Variants in TNFRSF8 observed in about 807,000 individuals in gnomAD.
TNFRSF8 encodes the protein tumor necrosis factor receptor superfamily member 8.
Under a neutral mutation model 70.8 loss-of-function variants are expected in TNFRSF8, and 26 were observed. That is an observed-to-expected ratio of 0.37 (90% confidence interval 0.27 to 0.51). The LOEUF is 0.51. Among genes scored for constraint, TNFRSF8 ranks in the 20% least tolerant of loss-of-function variants. The probability of loss-of-function intolerance (pLI) is 0.94; values close to 1 mark genes in which losing one functional copy is unlikely to be tolerated. For missense variants in TNFRSF8, 720 were observed against 807.9 expected (o/e 0.89, Z 1.32); for synonymous variants, 356 against 339.2 (o/e 1.05, Z -0.54).
chr1:12,116,406 C>CT (rs1641730660), intron 8 of TNFRSF8, among the ~76,000 whole-genome samples: 1 of 152,332 alleles, frequency 6.6e-6, no homozygotes, highest in East Asian at 1.9e-4. Context: ...AACTAAAACC[C>CT]TGACAGTTTT....
chr1:12,073,221 C>A (rs1055986854), intron 1 of TNFRSF8, among the ~76,000 whole-genome samples: 2 of 152,154 alleles, frequency 1.3e-5, no homozygotes, highest in Non-Finnish European at 2.9e-5. Context: ...TTCATGATCG[C>A]AGGACTGCAC....
intron 1 of TNFRSF8, chr1:12,077,871 T>G (rs1437604137): frequency 1.3e-5 from 2 of 150,732 alleles, no homozygotes; most frequent in Non-Finnish European, 3.0e-5. Context: ...GACTTTGGTT[T>G]TTTTTTTTTT....
At chr1:12,080,121 G>A (rs752248667) in intron 1 of TNFRSF8, among the ~76,000 whole-genome samples, 3 of 151,716 alleles carry the variant, frequency 2.0e-5, no homozygotes, top group Non-Finnish European at 4.4e-5. Context: ...GCTTATTTTT[G>A]TATTTTTAGC....
Position 12,123,256 on chromosome 1 carries a change from G to C in TNFRSF8, c.947-28G>C, listed in dbSNP as rs760629920. 11 of 1,593,942 alleles carry C rather than the reference G, an allele frequency of 6.9e-6. No individual in the cohort carries two copies. In the South Asian group the frequency reaches 1.1e-4, roughly 17 times the overall value. ...GGAGACACCAGCCTCCTTGGCGCTGGTTCTCAGATGTTACGTCCCCTCTGC... is the reference window on the plus strand; with the variant it reads ...GGAGACACCAGCCTCCTTGGCGCTGCTTCTCAGATGTTACGTCCCCTCTGC... On this transcript the variant is annotated intron_variant, in intron 8 of 14. Coordinates refer to ENST00000263932, the MANE Select transcript of TNFRSF8 (RefSeq NM_001243.5).
At chr1:12,120,866 A>AG (rs1487362292) in intron 8 of TNFRSF8, among the ~76,000 whole-genome samples, 1 of 152,160 alleles carries the variant, frequency 6.6e-6, no homozygotes, top group Admixed American at 6.5e-5. Context: ...GTATATTCAG[A>AG]GAGGGGATGA....
chr1:12,112,594 C>G lies in TNFRSF8; in HGVS notation c.793+580C>G, dbSNP rs531451880. On this transcript the variant is annotated intron_variant, in intron 7 of 14. Coordinates refer to ENST00000263932, the MANE Select transcript of TNFRSF8 (RefSeq NM_001243.5). This position sits in a 1 kb window ranked among gnomAD's most constrained non-coding sequence, Gnocchi z 5.3. ...TTTTTTCATACAGATGGGGGTCTCA[C>G]TATGTTGCCCAGGCTGCTCTCGAAC... Among the ~76,000 whole-genome samples the G allele has an allele frequency of 1.3e-5, 2 of 152,272 alleles. No homozygotes were observed. Among genetic ancestry groups the G allele is most frequent in the South Asian group, 4.1e-4 (2 of 4,828 alleles).
intron 1 of TNFRSF8, among the ~76,000 whole-genome samples, chr1:12,081,530 G>A (rs909557873): frequency 6.6e-6 from 1 of 152,004 alleles, no homozygotes; most frequent in Non-Finnish European, 1.5e-5. Context: ...GAGGGAGGAG[G>A]GTGTCCTCAA....
chr1:12,136,184 A>C (rs1397944331), intron 13 of TNFRSF8, among the ~76,000 whole-genome samples: 1 of 152,012 alleles, frequency 6.6e-6, no homozygotes, highest in East Asian at 1.9e-4. Flanking sequence ...ACACAACCAT[A>C]ATGCTAGTTC....
At chr1:12,135,871 C>G (rs2101044164) in intron 13 of TNFRSF8, among the ~76,000 whole-genome samples, 1 of 152,348 alleles carries the variant, frequency 6.6e-6, no homozygotes, top group Middle Eastern at 3.4e-3. Context: ...GAGCCCCACC[C>G]TCATAGCAGC....
At chr1:12,128,694 A>G (rs908575759) in intron 12 of TNFRSF8, among the ~76,000 whole-genome samples, 2 of 152,140 alleles carry the variant, frequency 1.3e-5, no homozygotes, top group African/African-American at 4.8e-5. Context: ...TTTGCTGTGG[A>G]GCGCTATCCT....
intron 1 of TNFRSF8, among the ~76,000 whole-genome samples, chr1:12,083,408 G>A (rs1641099372): frequency 6.6e-6 from 1 of 152,224 alleles, no homozygotes; most frequent in South Asian, 2.1e-4. Context: ...TCGAGAGCAG[G>A]CCCGGAGTGG....
intron 1 of TNFRSF8, among the ~76,000 whole-genome samples, chr1:12,074,195 C>G (rs1640896746): frequency 6.6e-6 from 1 of 152,074 alleles, no homozygotes; most frequent in African/African-American, 2.4e-5. Context: ...TCCATCCTGT[C>G]CACCTCCCCA....
chr1:12,101,438 A>G (rs2100991215), intron 3 of TNFRSF8, among the ~76,000 whole-genome samples: 1 of 152,032 alleles, frequency 6.6e-6, no homozygotes, highest in East Asian at 1.9e-4. Context: ...AAAAAAAAAA[A>G]TGATAAAAAG....
chr1:12,103,835 AG>A (rs1315215542), intron 3 of TNFRSF8, among the ~76,000 whole-genome samples: 3 of 152,324 alleles, frequency 2.0e-5, no homozygotes, highest in African/African-American at 7.2e-5. Context: ...CACAATTGTT[AG>A]CATTGATGAC....
Position 12,063,629 on chromosome 1 carries a change from C to T in TNFRSF8, c.31C>T (p.Leu11=). Residue 11 remains leucine, a synonymous_variant, in exon 1 of 15, where the codon CTG becomes TTG. Coordinates refer to ENST00000263932, the MANE Select transcript of TNFRSF8 (RefSeq NM_001243.5). This position sits in a 1 kb window ranked among gnomAD's most constrained non-coding sequence, Gnocchi z 7.2. Reference sequence around the variant, plus strand: ...CGTCCTCCTCGCCGCGCTGGGACTGCTGTTCCTGGGGGCGCTACGAGCCTT... The same window carrying T: ...CGTCCTCCTCGCCGCGCTGGGACTGTTGTTCCTGGGGGCGCTACGAGCCTT... MRVLLAALGL[L]FLGALRAFPQ... The T allele has an allele frequency of 7.7e-7, 1 of 1,294,580 alleles. No individual in the cohort carries two copies. The highest frequency in any genetic ancestry group is 9.9e-7 in the Non-Finnish European group (1 of 1,012,050). The allele number at this position is 1,294,580 out of a possible 1,614,324, so 80.2% of individuals were successfully genotyped here.
intron 1 of TNFRSF8, among the ~76,000 whole-genome samples, chr1:12,082,280 T>C (rs1040426500): frequency 2.0e-5 from 3 of 152,184 alleles, no homozygotes; most frequent in Non-Finnish European, 4.4e-5. Flanking sequence ...GCCAGGTGGC[T>C]CACGCCTGTA....
chr1:12,087,433 G>C (rs1053032025), intron 2 of TNFRSF8, among the ~76,000 whole-genome samples: 1 of 152,178 alleles, frequency 6.6e-6, no homozygotes, highest in African/African-American at 2.4e-5. Flanking sequence ...CTCATAAAGT[G>C]CTGGGATTAC....
chr1:12,077,894 G>C (rs535134739), intron 1 of TNFRSF8: 1 of 150,848 alleles, frequency 6.6e-6, no homozygotes, highest in Non-Finnish European at 1.5e-5. Flanking sequence ...AATATGGACC[G>C]TTTCATGAAT....
At chr1:12,136,473 A>AC (rs1461046171) in intron 13 of TNFRSF8, among the ~76,000 whole-genome samples, 10 of 151,876 alleles carry the variant, frequency 6.6e-5, no homozygotes, top group African/African-American at 2.4e-4. Flanking sequence ...ACATAGTGAA[A>AC]CCCCGTCTCT....
Sources: allele counts gnomAD v4.1 joint callset (sites outside exome capture counted in the v4.1 genomes callset), GRCh38; gene constraint gnomAD v4.1.1; non-coding constraint Gnocchi (gnomAD v3.1); transcripts MANE v1.5; gene names NCBI Gene and HGNC (gene_info 2026-07-23, HGNC 2026-07-21).